The following PCDHA7 variants were observed in gnomAD, a reference collection of about 807,000 sequenced individuals.
PCDHA7 encodes the protein protocadherin alpha-7.
Under a neutral mutation model 57.2 loss-of-function variants are expected in PCDHA7, and 37 were observed. The observed-to-expected ratio is 0.65, with a 90% CI of 0.50 to 0.85. The LOEUF is 0.85. Ranked by LOEUF, PCDHA7 falls within the 40% of genes least tolerant of loss-of-function variation. PCDHA7 has a pLI of 0.00. For synonymous variants in PCDHA7, 553 were observed against 558.8 expected (o/e 0.99, Z 0.15); for missense variants, 1,188 against 1,241.8 (o/e 0.96, Z 0.65).
At chr5:140,929,207 G>C (rs782298445) in intron 1 of PCDHA7, 2 of 1,613,988 alleles carry the variant, frequency 1.2e-6, no homozygotes, top group Admixed American at 1.7e-5. Context: ...TTGCTGTTGC[G>C]TGGGGAGTAC....
intron 1 of PCDHA7, among the ~76,000 whole-genome samples, chr5:140,941,191 T>TTTTC (rs1217097209): frequency 2.1e-5 from 2 of 93,206 alleles, no homozygotes; most frequent in African/African-American, 7.9e-5. Flanking sequence ...GCTTCTTTTT[T>TTTTC]TTTCTTTCTT....
chr5:140,870,962 C>G (rs1489353896), intron 1 of PCDHA7: 2 of 1,613,532 alleles, frequency 1.2e-6, no homozygotes, highest in African/African-American at 1.3e-5. Context: ...TCGCGCATCC[C>G]GTTCCGCGTG....
chr5:140,968,234 A>T (rs1426230655), intron 1 of PCDHA7: 1 of 1,613,870 alleles, frequency 6.2e-7, no homozygotes, highest in Non-Finnish European at 8.5e-7. Flanking sequence ...GTTGCTCTGT[A>T]CTGTGCAAGC....
At chr5:140,994,809 C>G (rs1366407347) in intron 3 of PCDHA7, among the ~76,000 whole-genome samples, 1 of 152,016 alleles carries the variant, frequency 6.6e-6, no homozygotes, top group Non-Finnish European at 1.5e-5. Flanking sequence ...AAACAAAATA[C>G]AAAAAACTGA....
At chr5:140,883,876 C>A in intron 1 of PCDHA7, 1 of 1,613,214 alleles carries the variant, frequency 6.2e-7, no homozygotes, top group Non-Finnish European at 8.5e-7. Flanking sequence ...TCCAGGTGAG[C>A]GCGCGCGACT....
intron 1 of PCDHA7, chr5:140,877,662 C>T: frequency 6.2e-7 from 1 of 1,613,558 alleles, no homozygotes; most frequent in Non-Finnish European, 8.5e-7. Context: ...CCACCGTGAG[C>T]CGGTGCGCGC....
At chr5:140,972,909 G>T (rs999939821) in intron 1 of PCDHA7, among the ~76,000 whole-genome samples, 18 of 151,942 alleles carry the variant, frequency 1.2e-4, no homozygotes, top group African/African-American at 4.4e-4. Flanking sequence ...TGATCCACCC[G>T]CCTTGGCCTC....
intron 1 of PCDHA7, chr5:140,877,158 G>A (rs781901798): frequency 1.2e-6 from 2 of 1,613,808 alleles, no homozygotes; most frequent in Admixed American, 3.3e-5. Context: ...ACGACAACGC[G>A]CCGGCACTGC....
chr5:140,999,091 T>G (rs1342614556), intron 3 of PCDHA7, among the ~76,000 whole-genome samples: 1 of 152,208 alleles, frequency 6.6e-6, no homozygotes, highest in South Asian at 2.1e-4. Flanking sequence ...TTCAGAGGGC[T>G]ATGGAGAGTA....
intron 1 of PCDHA7, among the ~76,000 whole-genome samples, chr5:140,900,353 C>T (rs1426808430): frequency 6.6e-6 from 1 of 152,092 alleles, no homozygotes; most frequent in Non-Finnish European, 1.5e-5. Flanking sequence ...TCTTGGCTCA[C>T]CGCAACCTCT....
chr5:140,849,603 G>A lies in PCDHA7; in HGVS notation c.2355+12865G>A, dbSNP rs2150442213. On this transcript the variant is annotated intron_variant, in intron 1 of 3. Transcript: ENST00000525929. ...GGACGCACAACTGGGGACAGTTATT[G>A]CCCTGATTAGTGTGATCGACCTAGA... The A allele has an allele frequency of 3.8e-5, 60 of 1,598,580 alleles. 9 individuals are homozygous for A. Among genetic ancestry groups the A allele is most frequent in the Non-Finnish European group, 5.1e-5 (59 of 1,167,940 alleles).
intron 3 of PCDHA7, among the ~76,000 whole-genome samples, chr5:140,990,194 G>A (rs2097380047): frequency 6.6e-6 from 1 of 152,076 alleles, no homozygotes; most frequent in Non-Finnish European, 1.5e-5. Context: ...ACCAAATGTG[G>A]ACCCGAAAGA....
intron 1 of PCDHA7, chr5:140,883,464 C>G (rs1219426048): frequency 6.2e-7 from 1 of 1,614,044 alleles, no homozygotes; most frequent in African/African-American, 1.3e-5. Flanking sequence ...AAGCTGGTGT[C>G]CACCTACAAG....
chr5:140,931,304 G>A (rs1218460625), intron 1 of PCDHA7, among the ~76,000 whole-genome samples: 13 of 152,056 alleles, frequency 8.5e-5, no homozygotes, highest in Non-Finnish European at 1.9e-4. Context: ...CAAAAAGAGA[G>A]GAGAATACCA....
At chr5:140,875,342 A>T in intron 1 of PCDHA7, 1 of 1,443,152 alleles carries the variant, frequency 6.9e-7, no homozygotes, top group Non-Finnish European at 9.1e-7. Flanking sequence ...GATCGACTCC[A>T]TAATGACTGT....
intron 1 of PCDHA7, chr5:140,862,920 G>A (rs2047655483): frequency 3.6e-6 from 2 of 548,666 alleles, no homozygotes; most frequent in African/African-American, 3.8e-5. Flanking sequence ...CGCCTTGGGT[G>A]GGCTGGCGGC....
rs2150452884 is a variant in PCDHA7, at chr5:140,849,840, A to G, written c.2355+13102A>G. 1.9e-6 allele frequency: 3 copies of G among 1,598,334 alleles called. No individual in the cohort carries two copies. The Admixed American group carries it at 5.1e-5, about 27-fold the overall frequency. On this transcript the variant is annotated intron_variant, in intron 1 of 3. Coordinates refer to ENST00000525929, the MANE Select transcript of PCDHA7 (RefSeq NM_018910.3). ...GGTGTCTGTGGAGGTGGCCGACGTG[A>G]ACGACAACGCACCAGCGTTCGCGCA...
intron 1 of PCDHA7, among the ~76,000 whole-genome samples, chr5:140,956,132 C>G (rs782171826): frequency 2.6e-5 from 4 of 152,028 alleles, no homozygotes; most frequent in Admixed American, 6.6e-5. Context: ...ATTTGAATAC[C>G]CTTTATTTCT....
intron 1 of PCDHA7, among the ~76,000 whole-genome samples, chr5:140,920,232 A>C (rs1463016764): frequency 6.6e-6 from 1 of 152,232 alleles, no homozygotes; most frequent in African/African-American, 2.4e-5. Flanking sequence ...ATAGTATTAT[A>C]TACCCAACAA....
Sources: gnomAD v4.1 joint callset for allele counts (sites outside exome capture counted in the v4.1 genomes callset) on GRCh38, gnomAD v4.1.1 for gene constraint, MANE v1.5 for transcripts, NCBI Gene and HGNC (gene_info 2026-07-23, HGNC 2026-07-21) for gene names.